The following COL4A2 variants were observed in gnomAD, a reference collection of about 807,000 sequenced individuals.
The protein encoded by COL4A2 is collagen alpha-2(IV) chain.
In COL4A2, 99 loss-of-function variants were observed where a neutral mutation model predicts 200.2. The ratio of observed to expected loss-of-function variants is 0.49; its 90% CI spans 0.42 to 0.58. The LOEUF is 0.58. Ranked by LOEUF, COL4A2 falls within the 20% of genes least tolerant of loss-of-function variation. The pLI is 0.00. For missense variants in COL4A2, 1,950 were observed against 2,314.1 expected (o/e 0.84, Z 3.23); for synonymous variants, 897 against 900.6 (o/e 1.00, Z 0.07).
At chr13:110,430,933 A>AC in intron 10 of COL4A2, 1 of 532,154 alleles carries the variant, frequency 1.9e-6, no homozygotes, top group East Asian at 4.7e-5. Flanking sequence ...AAGGCAAACC[A>AC]AAGTCCCACA....
At chr13:110,327,407 C>T (rs1367730953) in intron 3 of COL4A2, among the ~76,000 whole-genome samples, 2 of 152,242 alleles carry the variant, frequency 1.3e-5, no homozygotes, top group African/African-American at 4.8e-5. Flanking sequence ...TTGATTCCAT[C>T]CAAAACACAA....
chr13:110,468,031 T>C, intron 27 of COL4A2: 2 of 410,228 alleles, frequency 4.9e-6, no homozygotes, highest in East Asian at 7.2e-5. Flanking sequence ...ACAGGTGTTC[T>C]AGATGCTTCC....
At chr13:110,511,760 A>G (rs1354621174) in intron 47 of COL4A2, among the ~76,000 whole-genome samples, 174 bp from the exon 48 acceptor site, 1 of 152,136 alleles carries the variant, frequency 6.6e-6, no homozygotes, top group South Asian at 2.1e-4. Flanking sequence ...GCCCATGTGT[A>G]TTTCACCAGC....
chr13:110,484,837 GC>G, intron 32 of COL4A2, 67 bp from the exon 33 acceptor site: 2 of 1,508,376 alleles, frequency 1.3e-6, no homozygotes, highest in East Asian at 4.6e-5. Flanking sequence ...CAGGGACCAG[GC>G]CTTCACCTGT....
At chr13:110,511,882 G>T (rs1266054306) in intron 47 of COL4A2, 52 bp from the exon 48 acceptor site, 2 of 1,611,414 alleles carry the variant, frequency 1.2e-6, no homozygotes, top group African/African-American at 1.3e-5. Context: ...CTGACCCCGT[G>T]CCACCTGCAG....
chr13:110,470,198 G>A (rs138596955), intron 28 of COL4A2, among the ~76,000 whole-genome samples: 1 of 152,250 alleles, frequency 6.6e-6, no homozygotes, highest in African/African-American at 2.4e-5. Context: ...TGACAGGCGT[G>A]AGCCACTGTG....
chr13:110,333,492 C>T (rs1301051245), intron 3 of COL4A2, among the ~76,000 whole-genome samples: 1 of 152,180 alleles, frequency 6.6e-6, no homozygotes, highest in Non-Finnish European at 1.5e-5. Flanking sequence ...CACTGTCTTT[C>T]CTCACTGATC....
intron 9 of COL4A2, 40 bp downstream of exon 9, chr13:110,430,476 T>G: frequency 1.9e-6 from 3 of 1,614,122 alleles, no homozygotes; most frequent in Non-Finnish European, 2.5e-6. Flanking sequence ...AAACAAAAGT[T>G]TAAGAGCTTC....
chr13:110,424,679 T>A (rs979079547), intron 4 of COL4A2, 55 bp from the exon 5 acceptor site: 2 of 1,253,044 alleles, frequency 1.6e-6, no homozygotes, highest in Non-Finnish European at 1.1e-6. Context: ...CCGTAACTGA[T>A]CATGAGTATG....
chr13:110,396,435 G>A (rs780321742), intron 4 of COL4A2, among the ~76,000 whole-genome samples: 1 of 152,218 alleles, frequency 6.6e-6, no homozygotes, highest in Non-Finnish European at 1.5e-5. Flanking sequence ...TCCATGCCCC[G>A]TGTTTTTCTT....
At chr13:110,356,887 T>G (rs1325382219) in intron 3 of COL4A2, among the ~76,000 whole-genome samples, 1 of 151,900 alleles carries the variant, frequency 6.6e-6, no homozygotes, top group African/African-American at 2.4e-5. Flanking sequence ...TGCCTCAGCC[T>G]CCTAAGTAGC....
At chr13:110,355,322 T>TG (rs1555323153) in intron 3 of COL4A2, among the ~76,000 whole-genome samples, 2 of 128,018 alleles carry the variant, frequency 1.6e-5, no homozygotes, top group Non-Finnish European at 3.1e-5. Flanking sequence ...CAACTGTGTG[T>TG]GGGAGAGGGC....
chr13:110,433,477 A>T (rs1880760237), intron 11 of COL4A2, among the ~76,000 whole-genome samples: 1 of 152,214 alleles, frequency 6.6e-6, no homozygotes. Context: ...ATTGCATTCT[A>T]ATCCAGCCTG....
intron 30 of COL4A2, among the ~76,000 whole-genome samples, chr13:110,479,825 G>A (rs1023105904): frequency 2.0e-5 from 3 of 152,146 alleles, no homozygotes; most frequent in South Asian, 2.1e-4. Flanking sequence ...GGGTCCCCCG[G>A]GACTAACTCC....
At chr13:110,362,488 A>T in intron 4 of COL4A2, among the ~76,000 whole-genome samples, 1 of 146,202 alleles carries the variant, frequency 6.8e-6, no homozygotes, top group South Asian at 2.1e-4. Flanking sequence ...TGATTTTTGT[A>T]TTTTTTTTTT....
At chr13:110,353,224 C>T (rs2183243) in intron 3 of COL4A2, among the ~76,000 whole-genome samples, 1 of 152,172 alleles carries the variant, frequency 6.6e-6, no homozygotes, top group Non-Finnish European at 1.5e-5. Flanking sequence ...AAACAGGCCT[C>T]ACGGAGACTG....
intron 4 of COL4A2, among the ~76,000 whole-genome samples, chr13:110,389,681 G>T (rs2139420857): frequency 6.6e-6 from 1 of 152,346 alleles, no homozygotes; most frequent in South Asian, 2.1e-4. Context: ...CTCCCAGCAT[G>T]ATTCTCCAGG....
At chr13:110,400,596 A>ATG (rs1879337730) in intron 4 of COL4A2, among the ~76,000 whole-genome samples, 1 of 152,248 alleles carries the variant, frequency 6.6e-6, no homozygotes, top group Non-Finnish European at 1.5e-5. Context: ...AAAAATTACT[A>ATG]TGATGACTAT....
intron 3 of COL4A2, among the ~76,000 whole-genome samples, chr13:110,332,078 C>A (rs1046676953): frequency 6.6e-6 from 1 of 152,124 alleles, no homozygotes; most frequent in East Asian, 1.9e-4. Context: ...GTTGTGTTTT[C>A]TGTATGTAAA....
Sources: allele counts gnomAD v4.1 joint callset (sites outside exome capture counted in the v4.1 genomes callset), GRCh38; gene constraint gnomAD v4.1.1; transcripts MANE v1.5; gene names NCBI Gene and HGNC (gene_info 2026-07-23, HGNC 2026-07-21).